The following CADM2 variants were observed in gnomAD, a reference collection of about 807,000 sequenced individuals.
CADM2 encodes cell adhesion molecule 2, also known as immunoglobulin superfamily member 4D.
CADM2 carries 12 observed loss-of-function variants against 49.8 expected under a neutral mutation model. The ratio of observed to expected loss-of-function variants is 0.24; its 90% CI spans 0.15 to 0.39. CADM2 has a LOEUF of 0.39. Among genes scored for constraint, CADM2 ranks in the 10% least tolerant of loss-of-function variants. The pLI is 1.00. For missense variants in CADM2, 378 were observed against 492.3 expected, an observed-to-expected ratio of 0.77 and a Z score of 2.20; for synonymous variants, 214 against 175.4, an observed-to-expected ratio of 1.22 and a Z score of -1.74.
rs190413398 is a variant in CADM2, at chr3:85,742,514, A to G, written c.88+15966A>G. On this transcript the variant is annotated intron_variant, in intron 2 of 9. Coordinates refer to ENST00000383699, the MANE Select transcript of CADM2 (RefSeq NM_001167675.2). ...TAGATTGGTATTTTAAAATTTAACTATCAGAGGCTTAAATTATAAATGAGG... is the reference window on the plus strand; with the variant it reads ...TAGATTGGTATTTTAAAATTTAACTGTCAGAGGCTTAAATTATAAATGAGG... Among the ~76,000 whole-genome samples, 118 of 152,336 alleles carry G rather than the reference A, an allele frequency of 7.7e-4. 1 individual carries two copies. The highest frequency in any genetic ancestry group is 2.8e-3 in the African/African-American group (116 of 41,578).
chr3:85,479,275 C>G (rs1006999113), intron 1 of CADM2, among the ~76,000 whole-genome samples: 1 of 151,818 alleles, frequency 6.6e-6, no homozygotes, highest in Non-Finnish European at 1.5e-5. Context: ...GAAAATATAA[C>G]TACTTGTTGG....
At chr3:85,088,254 T>TA (rs1477507594) in intron 1 of CADM2, among the ~76,000 whole-genome samples, 1 of 152,154 alleles carries the variant, frequency 6.6e-6, no homozygotes, top group African/African-American at 2.4e-5. Context: ...GCTCAAGTCC[T>TA]AAAACCAGCT....
rs929363704 is a variant in CADM2 at position 85,798,174 on chromosome 3, T to A, written c.89-3873T>A. ...TGGTAGATTCAGGATATTAGACCTT[T>A]GTCAGATGGATAGATTGCAAAAATT... On this transcript the variant is annotated intron_variant, in intron 2 of 9. Coordinates refer to ENST00000383699, the MANE Select transcript of CADM2 (RefSeq NM_001167675.2). Among the ~76,000 whole-genome samples the A allele has an allele frequency of 3.9e-5, 6 of 152,230 alleles. No individual in the cohort carries two copies. The East Asian group carries it at 1.2e-3, about 29-fold the overall frequency.
At chr3:85,674,529 A>T (rs2065837658) in intron 1 of CADM2, among the ~76,000 whole-genome samples, 1 of 152,088 alleles carries the variant, frequency 6.6e-6, no homozygotes, top group Admixed American at 6.6e-5. Flanking sequence ...TGCTCTAGAG[A>T]GCTCTTTTCG....
At chr3:84,991,148 C>A (rs1575986601) in intron 1 of CADM2, among the ~76,000 whole-genome samples, 1 of 152,034 alleles carries the variant, frequency 6.6e-6, no homozygotes, top group Non-Finnish European at 1.5e-5. Context: ...CTTCTCATGG[C>A]CTGCAAGGAT....
chr3:84,959,509 C>T lies in CADM2; in HGVS notation c.-99C>T. 8.3e-7 allele frequency: 1 copy of T among 1,209,530 alleles called. No homozygotes were observed. Among genetic ancestry groups the T allele is most frequent in the Admixed American group, 2.1e-5 (1 of 47,188 alleles). 74.9% of individuals were successfully genotyped at this position (1,209,530 alleles called of 1,614,324 possible). A position where few individuals can be genotyped will look rare whatever the true frequency, so the allele number is the denominator to read the frequency against. On this transcript the variant is annotated 5_prime_UTR_variant, in exon 1 of 10. Transcript: ENST00000383699. ...GTGGGGACGGTGGGTCCGGCGGGCGCCGGGAGGAGGACACCAGCGGAGCCC... is the reference window on the plus strand; with the variant it reads ...GTGGGGACGGTGGGTCCGGCGGGCGTCGGGAGGAGGACACCAGCGGAGCCC...
rs369242252 is a variant in CADM2 at position 86,073,742 on chromosome 3, G to C, written c.*6959G>C. The C allele has an allele frequency of 1.3e-5, 2 of 150,396 alleles. No individual in the cohort carries two copies. The highest frequency in any genetic ancestry group is 5.0e-5 in the African/African-American group (2 of 40,024). 9.3% of individuals were successfully genotyped at this position (150,396 alleles called of 1,614,324 possible). A position where few individuals can be genotyped will look rare whatever the true frequency, so the allele number is the denominator to read the frequency against. The stretch of plus-strand genomic sequence containing the variant: ...TGGAACTTTCTTTTTTCCAGTGACA[G>C]GTCATTAAATCGATGGTACAAAACA... On this transcript the variant is annotated 3_prime_UTR_variant, in exon 10 of 10. Coordinates refer to ENST00000383699, the MANE Select transcript of CADM2 (RefSeq NM_001167675.2).
chr3:85,093,185 A>G (rs1352206312), intron 1 of CADM2, among the ~76,000 whole-genome samples: 4 of 152,148 alleles, frequency 2.6e-5, no homozygotes, highest in Admixed American at 2.0e-4. Flanking sequence ...GCTGACACAA[A>G]ATATAATTTC....
At chr3:85,498,648 C>A (rs747681497) in intron 1 of CADM2, among the ~76,000 whole-genome samples, 1 of 152,016 alleles carries the variant, frequency 6.6e-6, no homozygotes, top group Non-Finnish European at 1.5e-5. Context: ...ATTAATACTG[C>A]ATATAATTAG....
At chr3:85,402,489 T>C (rs907589799) in intron 1 of CADM2, among the ~76,000 whole-genome samples, 1 of 152,138 alleles carries the variant, frequency 6.6e-6, no homozygotes, top group Admixed American at 6.6e-5. Flanking sequence ...TAGAATGTAT[T>C]GTTCTCCATA....
intron 1 of CADM2, among the ~76,000 whole-genome samples, chr3:85,430,714 G>T (rs1028332317): frequency 2.0e-5 from 3 of 151,870 alleles, no homozygotes; most frequent in Non-Finnish European, 4.4e-5. Context: ...GCATGGGAGA[G>T]ATAGTAACTA....
chr3:85,380,934 T>C (rs1449053952), intron 1 of CADM2, among the ~76,000 whole-genome samples: 2 of 152,110 alleles, frequency 1.3e-5, no homozygotes, highest in African/African-American at 4.8e-5. Flanking sequence ...TTATTTATTG[T>C]ATTAATGTAA....
intron 1 of CADM2, among the ~76,000 whole-genome samples, chr3:85,690,363 T>C (rs2066344741): frequency 6.6e-6 from 1 of 152,140 alleles, no homozygotes; most frequent in Non-Finnish European, 1.5e-5. Flanking sequence ...CAAAGAATTA[T>C]GAGAGATGTA....
intron 5 of CADM2, among the ~76,000 whole-genome samples, chr3:85,901,576 G>C (rs1308801047): frequency 2.0e-5 from 3 of 152,080 alleles, no homozygotes; most frequent in African/African-American, 4.8e-5. Context: ...TAAATTTAAA[G>C]TGTTATTTGT....
At chr3:85,974,649 G>A (rs926590653) in intron 8 of CADM2, among the ~76,000 whole-genome samples, 7 of 151,684 alleles carry the variant, frequency 4.6e-5, no homozygotes, top group South Asian at 4.1e-4. Context: ...TGGCAAATGC[G>A]TTGTTTTAGC....
intron 1 of CADM2, among the ~76,000 whole-genome samples, chr3:85,498,683 A>G (rs1417533348): frequency 6.6e-6 from 1 of 152,200 alleles, no homozygotes; most frequent in African/African-American, 2.4e-5. Context: ...ATTAAATAAA[A>G]TGGATTTAAA....
intron 1 of CADM2, among the ~76,000 whole-genome samples, chr3:85,529,542 A>C (rs958974981): frequency 1.3e-5 from 2 of 152,152 alleles, no homozygotes; most frequent in Non-Finnish European, 2.9e-5. Context: ...TTATACTTAA[A>C]ACCATAAGTT....
At chr3:85,030,837 TAA>T (rs1469580082) in intron 1 of CADM2, among the ~76,000 whole-genome samples, 1 of 152,128 alleles carries the variant, frequency 6.6e-6, no homozygotes, top group Non-Finnish European at 1.5e-5. Context: ...ACTCCTACCC[TAA>T]AAAACTAAAT....
chr3:85,111,987 A>G (rs1443848330), intron 1 of CADM2, among the ~76,000 whole-genome samples: 5 of 151,900 alleles, frequency 3.3e-5, no homozygotes, highest in Non-Finnish European at 7.4e-5. Context: ...GCACCTATCT[A>G]AAAAATAAGG....
Sources: gnomAD v4.1 joint callset for allele counts (sites outside exome capture counted in the v4.1 genomes callset) on GRCh38, gnomAD v4.1.1 for gene constraint, MANE v1.5 for transcripts, NCBI Gene and HGNC (gene_info 2026-07-23, HGNC 2026-07-21) for gene names.